The following SNX24 variants were observed in gnomAD, a reference collection of about 807,000 sequenced individuals.
The protein encoded by SNX24 is sorting nexin 24, also known as sorting nexin-24.
Under a neutral mutation model 28.7 loss-of-function variants are expected in SNX24, and 22 were observed. That is an observed-to-expected ratio of 0.77 (90% confidence interval 0.55 to 1.10). The LOEUF (loss-of-function observed/expected upper bound fraction) is 1.10, where lower values mean the gene tolerates loss of function less well. Among genes scored for constraint, SNX24 ranks in the 50% least tolerant of loss-of-function variants. The pLI is 0.00. For missense variants in SNX24, 221 were observed against 201.1 expected (o/e 1.10, Z -0.60); for synonymous variants, 69 against 71.5 (o/e 0.96, Z 0.18).
At chr5:122,862,860 C>G (rs558007334) in intron 1 of SNX24, among the ~76,000 whole-genome samples, 1 of 151,676 alleles carries the variant, frequency 6.6e-6, no homozygotes, top group East Asian at 1.9e-4. Context: ...ATTTATATAC[C>G]CTTTGAAACA....
intron 1 of SNX24, among the ~76,000 whole-genome samples, chr5:122,870,634 A>G (rs1054110613): frequency 1.3e-5 from 2 of 152,254 alleles, no homozygotes; most frequent in African/African-American, 4.8e-5. Flanking sequence ...ACGCGTGTGC[A>G]TGTGGAATGA....
intron 6 of SNX24, among the ~76,000 whole-genome samples, chr5:123,005,263 A>G (rs544485209): frequency 6.6e-6 from 1 of 152,010 alleles, no homozygotes; most frequent in Admixed American, 6.6e-5. Flanking sequence ...AGCATCTAGC[A>G]TATGTTCAGC....
intron 1 of SNX24, among the ~76,000 whole-genome samples, chr5:122,906,038 C>T (rs997615592): frequency 1.3e-5 from 2 of 152,220 alleles, no homozygotes; most frequent in Non-Finnish European, 2.9e-5. Flanking sequence ...AAAACAACCA[C>T]AAGCACTTCA....
intron 6 of SNX24, among the ~76,000 whole-genome samples, chr5:123,006,970 G>A (rs960683345): frequency 6.6e-6 from 1 of 152,104 alleles, no homozygotes; most frequent in African/African-American, 2.4e-5. Flanking sequence ...ATTATGTACA[G>A]ATTAAAGTTT....
At chr5:122,905,826 A>G (rs1268984951) in intron 1 of SNX24, among the ~76,000 whole-genome samples, 3 of 152,158 alleles carry the variant, frequency 2.0e-5, no homozygotes, top group Non-Finnish European at 4.4e-5. Flanking sequence ...AATGATTTTT[A>G]CCTGACCCTG....
intron 1 of SNX24, among the ~76,000 whole-genome samples, chr5:122,912,967 C>T (rs1339112614): frequency 3.9e-5 from 6 of 151,978 alleles, no homozygotes; most frequent in East Asian, 1.9e-4. Context: ...CATCTTGCAC[C>T]GCCCTTAATC....
At chr5:122,905,020 A>G (rs972154409) in intron 1 of SNX24, among the ~76,000 whole-genome samples, 1 of 152,216 alleles carries the variant, frequency 6.6e-6, no homozygotes, top group African/African-American at 2.4e-5. Context: ...GTAAGAACAT[A>G]GATGTGTCCA....
chr5:122,899,614 G>GC (rs1441505728), intron 1 of SNX24, among the ~76,000 whole-genome samples: 1 of 152,068 alleles, frequency 6.6e-6, no homozygotes, highest in Non-Finnish European at 1.5e-5. Context: ...TTGCCATGTT[G>GC]CCCAGGCTGG....
chr5:122,937,374 G>A lies in SNX24; in HGVS notation c.144+557G>A, dbSNP rs369451096. ...TACAAAACTGATGTTTCAGCACTAG[G>A]ATACACTTCTTTAAAAGTCTTAGAT... On this transcript the variant is annotated intron_variant, in intron 2 of 6. Transcript: ENST00000261369. 5.3e-5 allele frequency among the ~76,000 whole-genome samples: 8 copies of A among 152,224 alleles called. No individual in the cohort carries two copies. The East Asian group carries it at 1.2e-3, about 22-fold the overall frequency.
rs551545647 is a variant in SNX24, at chr5:122,869,871, G to GGC, written c.60+24179_60+24180dup. On this transcript the variant is annotated intron_variant, in intron 1 of 6. Transcript: ENST00000261369. ...TACCTAGTACAGAACTACTTTATCA[G>GGC]GCAAATGCATTTCTTAGTGCTATGA... is the stretch of plus-strand genomic sequence containing the variant. 4.2e-3 allele frequency among the ~76,000 whole-genome samples: 629 copies of GGC among 149,454 alleles called. 4 individuals carry two copies. The highest frequency in any genetic ancestry group is 0.014 in the African/African-American group (583 of 40,486).
At chr5:122,925,647 T>C (rs1758662576) in intron 1 of SNX24, among the ~76,000 whole-genome samples, 4 of 152,148 alleles carry the variant, frequency 2.6e-5, no homozygotes, top group Admixed American at 1.3e-4. Flanking sequence ...AGAAACCCTA[T>C]CTTATATTGC....
intron 1 of SNX24, among the ~76,000 whole-genome samples, chr5:122,929,947 A>G (rs1758877470): frequency 6.6e-6 from 1 of 151,982 alleles, no homozygotes; most frequent in African/African-American, 2.4e-5. Context: ...GTGCTTCTGC[A>G]TATCTGAAAA....
chr5:122,971,845 G>C (rs919016300), intron 3 of SNX24, among the ~76,000 whole-genome samples: 2 of 149,898 alleles, frequency 1.3e-5, no homozygotes, highest in African/African-American at 5.0e-5. Context: ...TATTCCCTTT[G>C]CCCTCAGCCA....
At chr5:122,953,021 A>G (rs1378897399) in intron 3 of SNX24, among the ~76,000 whole-genome samples, 1 of 151,836 alleles carries the variant, frequency 6.6e-6, no homozygotes, top group African/African-American at 2.4e-5. Context: ...AAATAGTTGA[A>G]AACTTCCTCA....
chr5:122,920,933 A>T (rs1254223034), intron 1 of SNX24, among the ~76,000 whole-genome samples: 1 of 152,150 alleles, frequency 6.6e-6, no homozygotes, highest in African/African-American at 2.4e-5. Context: ...ACTATGCTGC[A>T]CAGGCTAGTC....
chr5:122,946,210 T>G (rs757283965), intron 3 of SNX24, 51 bp downstream of exon 3: 3 of 1,068,968 alleles, frequency 2.8e-6, no homozygotes, highest in Admixed American at 4.0e-5. Flanking sequence ...ATCATATGTC[T>G]TACCACTTTT....
In SNX24 at chr5:122,856,063, C is replaced by T. The variant is rs573965882; in HGVS notation, c.60+10370C>T. Among the ~76,000 whole-genome samples, 11 of 152,282 alleles carry T rather than the reference C, an allele frequency of 7.2e-5. No homozygotes were observed. The South Asian group carries it at 2.1e-3, about 29-fold the overall frequency. ...GTTTGGCGTACAGATTATTTCATCA[C>T]CCAAGTAATGGGCATAGTACCCAAT... On this transcript the variant is annotated intron_variant, in intron 1 of 6. Transcript: ENST00000261369.
intron 2 of SNX24, among the ~76,000 whole-genome samples, chr5:122,944,194 C>T (rs1759580998): frequency 6.6e-6 from 1 of 152,214 alleles, no homozygotes; most frequent in Admixed American, 6.5e-5. Flanking sequence ...TTAATGTCCT[C>T]ATCTTAGCAT....
At chr5:123,017,058 C>T (rs532206499) in intron 5 of SNX24, among the ~76,000 whole-genome samples, 1 of 151,808 alleles carries the variant, frequency 6.6e-6, no homozygotes, top group African/African-American at 2.4e-5. Context: ...TTAATCTGGT[C>T]AGGAACAAAG....
Sources: allele counts gnomAD v4.1 joint callset (sites outside exome capture counted in the v4.1 genomes callset), GRCh38; gene constraint gnomAD v4.1.1; transcripts MANE v1.5; gene names NCBI Gene and HGNC (gene_info 2026-07-23, HGNC 2026-07-21).